Variants in NBAS observed in about 807,000 individuals in gnomAD.
The protein encoded by NBAS is NBAS subunit of NRZ tethering complex.
A neutral mutation model predicts 302.5 loss-of-function variants in NBAS; 219 were observed. The ratio of observed to expected loss-of-function variants is 0.72; its 90% CI spans 0.65 to 0.81. The LOEUF (loss-of-function observed/expected upper bound fraction) is 0.81. Among genes scored for constraint, NBAS ranks in the 30% least tolerant of loss-of-function variants. The pLI is 0.00. For missense variants in NBAS, 2,932 were observed against 2,841.6 expected (o/e 1.03, Z -0.72); for synonymous variants, 1,118 against 1,021.6 (o/e 1.09, Z -1.80).
At chr2:15,266,874 T>C (rs1385158223) in intron 44 of NBAS, among the ~76,000 whole-genome samples, 3 of 152,204 alleles carry the variant, frequency 2.0e-5, no homozygotes, top group African/African-American at 4.8e-5. Flanking sequence ...TAAATTCATA[T>C]AGATAGCTGT....
the NBAS span, among the ~76,000 whole-genome samples, chr2:14,940,752 T>C: frequency 2.2e-4 from 34 of 152,320 alleles, 1 homozygote; most frequent in Admixed American, 1.3e-3. Context: ...CTGCTCCCGA[T>C]GTATGGTGCC....
At chr2:14,840,934 C>G in the NBAS span, among the ~76,000 whole-genome samples, 1 of 151,880 alleles carries the variant, frequency 6.6e-6, no homozygotes, top group Admixed American at 6.6e-5. Context: ...TGGTATGAAG[C>G]CAGACAGACA....
At chr2:14,897,965 G>A in the NBAS span, among the ~76,000 whole-genome samples, 1 of 152,162 alleles carries the variant, frequency 6.6e-6, no homozygotes, top group Non-Finnish European at 1.5e-5. Context: ...GGGCCAGAGT[G>A]AGGTGGGGAG....
rs74910132 is a variant in NBAS at position 15,451,600 on chromosome 2, T to C, written c.2339+9601A>G. On this transcript the variant is annotated intron_variant, in intron 21 of 51. Transcript: ENST00000281513. Reference sequence around the variant, plus strand: ...GATTTAAATTATAAAGTGAATCAATTTGACCTAAATCAAATTTGTTCTACT... The same window carrying C: ...GATTTAAATTATAAAGTGAATCAATCTGACCTAAATCAAATTTGTTCTACT... 3.7e-4 allele frequency among the ~76,000 whole-genome samples: 57 copies of C among 152,320 alleles called. No homozygotes were observed. In the East Asian group the frequency reaches 7.9e-3, roughly 21 times the overall value.
At chr2:14,930,452 C>T in the NBAS span, among the ~76,000 whole-genome samples, 4 of 152,136 alleles carry the variant, frequency 2.6e-5, no homozygotes, top group African/African-American at 9.7e-5. Context: ...GTGCGTGTAC[C>T]TGAGAATGAC....
At chr2:15,377,667 G>GCA (rs2148368073) in intron 30 of NBAS, among the ~76,000 whole-genome samples, 1 of 151,404 alleles carries the variant, frequency 6.6e-6, no homozygotes, top group East Asian at 1.9e-4. Flanking sequence ...GCTGCTTCTT[G>GCA]GACAATGAAA....
chr2:14,886,818 T>C, the NBAS span: 1 of 152,244 alleles, frequency 6.6e-6, no homozygotes, highest in Non-Finnish European at 1.5e-5. Flanking sequence ...GGTAAATGCA[T>C]ATCAACAATT....
chr2:15,222,935 A>T (rs1667010275), intron 47 of NBAS, among the ~76,000 whole-genome samples: 1 of 152,252 alleles, frequency 6.6e-6, no homozygotes, highest in Non-Finnish European at 1.5e-5. Context: ...ATAACATTTG[A>T]CATTTTAAAG....
intron 21 of NBAS, among the ~76,000 whole-genome samples, chr2:15,455,552 G>C (rs1057175519): frequency 9.2e-5 from 14 of 151,764 alleles, no homozygotes; most frequent in African/African-American, 2.9e-4. Context: ...TAAGACCAAG[G>C]CTTCAGCATG....
At chr2:14,978,608 A>G in the NBAS span, among the ~76,000 whole-genome samples, 4 of 152,218 alleles carry the variant, frequency 2.6e-5, no homozygotes, top group African/African-American at 9.6e-5. Flanking sequence ...GTTAAATTGA[A>G]TGACATAATC....
intron 35 of NBAS, among the ~76,000 whole-genome samples, chr2:15,342,382 G>A (rs1672895939): frequency 6.6e-6 from 1 of 152,128 alleles, no homozygotes; most frequent in African/African-American, 2.4e-5. Flanking sequence ...TTATGTAAAT[G>A]GTCTATATGG....
chr2:15,235,648 T>C (rs1231683298), intron 45 of NBAS, among the ~76,000 whole-genome samples: 2 of 152,184 alleles, frequency 1.3e-5, no homozygotes, highest in African/African-American at 4.8e-5. Flanking sequence ...TTTTAAAGTA[T>C]CTTTTAGAGA....
the NBAS span, among the ~76,000 whole-genome samples, chr2:15,019,102 T>C: frequency 6.6e-6 from 1 of 152,194 alleles, no homozygotes; most frequent in Non-Finnish European, 1.5e-5. Flanking sequence ...TCAAGCCATG[T>C]CTAATTCCTT....
chr2:15,089,364 A>G, the NBAS span, among the ~76,000 whole-genome samples: 1 of 152,156 alleles, frequency 6.6e-6, no homozygotes, highest in Non-Finnish European at 1.5e-5. Flanking sequence ...AAAATTCATA[A>G]TCACCCCAAA....
At position 15,196,075 on chromosome 2, in the gene NBAS, T is replaced by C. The variant is rs1197880603; in HGVS notation, c.6433-5672A>G. On this transcript the variant is annotated intron_variant, in intron 48 of 51. Transcript: ENST00000281513. ...GGCCTTCTTCCAAATGTACTTTCGT[T>C]CCTTTCATTCTTGCTCTAAAACCTG... is the stretch of plus-strand genomic sequence containing the variant. Among the ~76,000 whole-genome samples the C allele has an allele frequency of 2.6e-5, 4 of 152,208 alleles. No individual in the cohort carries two copies. The East Asian group carries it at 7.7e-4, about 29-fold the overall frequency.
chr2:15,329,310 C>T (rs1273821210), intron 36 of NBAS, among the ~76,000 whole-genome samples: 1 of 152,132 alleles, frequency 6.6e-6, no homozygotes, highest in South Asian at 2.1e-4. Context: ...ACTGTTTGGA[C>T]CATTGTTCTT....
the NBAS span, among the ~76,000 whole-genome samples, chr2:15,052,061 T>C: frequency 3.9e-5 from 6 of 152,236 alleles, no homozygotes; most frequent in African/African-American, 1.2e-4. Flanking sequence ...ACTATGAGTA[T>C]CTTGAGAGCA....
In NBAS at chr2:15,463,711, C is replaced by G. The variant is rs184674113; in HGVS notation, c.2098-1920G>C. On this transcript the variant is annotated intron_variant, in intron 19 of 51. Coordinates refer to ENST00000281513, the MANE Select transcript of NBAS (RefSeq NM_015909.4). Reference sequence around the variant, plus strand: ...CTATGAAGTCACTGAAGATATGCCACAAAACCAAGCTGACAGTTCCCATTT... The same window carrying G: ...CTATGAAGTCACTGAAGATATGCCAGAAAACCAAGCTGACAGTTCCCATTT... Among the ~76,000 whole-genome samples, 419 of 146,648 alleles carry G rather than the reference C, an allele frequency of 2.9e-3. 4 individuals are homozygous for G. The highest frequency in any genetic ancestry group is 6.3e-3 in the Admixed American group (90 of 14,334).
chr2:15,303,060 C>T (rs1386309224), intron 40 of NBAS, among the ~76,000 whole-genome samples: 1 of 152,196 alleles, frequency 6.6e-6, no homozygotes, highest in African/African-American at 2.4e-5. Flanking sequence ...GGGACTTGGA[C>T]TGGCTTCCTT....
Sources: allele counts gnomAD v4.1 joint callset (sites outside exome capture counted in the v4.1 genomes callset), GRCh38; gene constraint gnomAD v4.1.1; transcripts MANE v1.5; gene names NCBI Gene and HGNC (gene_info 2026-07-23, HGNC 2026-07-21).